The following ATG3 variants were observed in gnomAD, a reference collection of about 807,000 sequenced individuals.
ATG3 encodes ubiquitin-like-conjugating enzyme ATG3.
ATG3 carries 25 observed loss-of-function variants against 50.7 expected under a neutral mutation model. The ratio of observed to expected loss-of-function variants is 0.49; its 90% confidence interval spans 0.36 to 0.69. ATG3 has a LOEUF of 0.69. ATG3 is among the 30% of genes least tolerant of loss of function. The pLI is 0.00. For missense variants in ATG3, 281 were observed against 376.0 expected, an observed-to-expected ratio of 0.75 and a Z score of 2.09; for synonymous variants, 119 against 125.5, an observed-to-expected ratio of 0.95 and a Z score of 0.34.
rs1430441836 is a variant in ATG3, at chr3:112,556,584, G to C, written c.114+1792C>G. ...CAATGGCGGTTTTGTGGAATAGAAAGGGGGGAAAGGTGGGGAAAAGATTGA... is the reference window on the plus strand; with the variant it reads ...CAATGGCGGTTTTGTGGAATAGAAACGGGGGAAAGGTGGGGAAAAGATTGA... On this transcript the variant is annotated intron_variant, in intron 2 of 11. Transcript: ENST00000283290. Among the ~76,000 whole-genome samples the C allele has an allele frequency of 2.6e-5, 4 of 152,226 alleles. No homozygotes were observed. The East Asian group carries it at 7.7e-4, about 29-fold the overall frequency.
At chr3:112,536,248 A>T in intron 10 of ATG3, 1 of 480,462 alleles carries the variant, frequency 2.1e-6, no homozygotes, top group Non-Finnish European at 3.7e-6. Context: ...CCCACAGAGA[A>T]CAAAAAAATT....
chr3:112,539,495 T>C (rs1195869052), intron 7 of ATG3, among the ~76,000 whole-genome samples: 1 of 152,198 alleles, frequency 6.6e-6, no homozygotes, highest in Non-Finnish European at 1.5e-5. Context: ...TCAATTAGGT[T>C]TTTCTTGACC....
chr3:112,534,111 T>C, intron 11 of ATG3, 158 bp downstream of exon 11: 1 of 1,399,870 alleles, frequency 7.1e-7, no homozygotes. Flanking sequence ...TATCACAATA[T>C]AACATTTTCT....
intron 3 of ATG3, among the ~76,000 whole-genome samples, chr3:112,550,975 G>A (rs1186886070): frequency 6.6e-6 from 1 of 152,156 alleles, no homozygotes; most frequent in Non-Finnish European, 1.5e-5. Flanking sequence ...CACAAAACTT[G>A]GTGGGAGAGC....
chr3:112,532,600 A>C lies in ATG3; in HGVS notation c.*99T>G, dbSNP rs1038540610. On this transcript the variant is annotated 3_prime_UTR_variant, in exon 12 of 12. Transcript: ENST00000283290. ...TAAACATATAAGTCCCTTATTAGAG[A>C]AACTGTATATATTGATGAATATGGT... 4.8e-6 allele frequency: 4 copies of C among 828,062 alleles called. No homozygotes were observed. The African/African-American group carries it at 7.1e-5, about 15-fold the overall frequency. 51.3% of individuals were successfully genotyped at this position (828,062 alleles called of 1,614,324 possible). A position where few individuals can be genotyped will look rare whatever the true frequency, so the allele number is the denominator to read the frequency against.
At chr3:112,544,641 C>T (rs568220126) in intron 5 of ATG3, among the ~76,000 whole-genome samples, 5 of 107,720 alleles carry the variant, frequency 4.6e-5, no homozygotes, top group South Asian at 3.0e-4. Context: ...GCGACAAGAG[C>T]GAAACTCCGT....
chr3:112,548,276 C>T (rs1449757949), intron 5 of ATG3, among the ~76,000 whole-genome samples: 2 of 152,022 alleles, frequency 1.3e-5, no homozygotes, highest in East Asian at 3.9e-4. Context: ...CGCTTGAACC[C>T]GGGAGGTGGA....
At chr3:112,536,347 G>A in intron 10 of ATG3, 128 bp downstream of exon 10, 1 of 1,109,834 alleles carries the variant, frequency 9.0e-7, no homozygotes. Flanking sequence ...AGGAGGACAA[G>A]AGAGAATTTT....
intron 5 of ATG3, 149 bp downstream of exon 5, chr3:112,548,384 T>A: frequency 1.5e-6 from 1 of 687,000 alleles, no homozygotes; most frequent in Non-Finnish European, 2.4e-6. Context: ...AGGCTTCTTT[T>A]TTAAAATTTG....
chr3:112,550,331 T>C (rs775882615), intron 3 of ATG3, 69 bp from the exon 4 acceptor site: 23 of 1,227,910 alleles, frequency 1.9e-5, no homozygotes, highest in Admixed American at 8.2e-5. Flanking sequence ...GCAGAAAGTA[T>C]TGCATATAAA....
At chr3:112,534,601 A>G in intron 10 of ATG3, 1 of 201,408 alleles carries the variant, frequency 5.0e-6, no homozygotes, top group Non-Finnish European at 9.9e-6. Flanking sequence ...TTACCAGGGG[A>G]GGGCATAATC....
At chr3:112,533,794 C>T (rs1163824186) in intron 11 of ATG3, 2 of 985,310 alleles carry the variant, frequency 2.0e-6, no homozygotes, top group African/African-American at 3.5e-5. Flanking sequence ...AAGAAAGGTG[C>T]TACTGTCTTG....
At chr3:112,556,222 T>C (rs527802443) in intron 2 of ATG3, among the ~76,000 whole-genome samples, 11 of 152,338 alleles carry the variant, frequency 7.2e-5, no homozygotes, top group African/African-American at 2.6e-4. Flanking sequence ...ACATGAAGCC[T>C]CGGCAGGGAT....
chr3:112,536,384 G>A, intron 10 of ATG3, 91 bp downstream of exon 10: 1 of 1,486,838 alleles, frequency 6.7e-7, no homozygotes. Context: ...ATTTTTTTCT[G>A]TTAGGGTTCT....
intron 5 of ATG3, among the ~76,000 whole-genome samples, chr3:112,548,054 A>G (rs1223114813): frequency 6.6e-6 from 1 of 152,198 alleles, no homozygotes; most frequent in Non-Finnish European, 1.5e-5. Flanking sequence ...CAGGTATTAT[A>G]GAAATTTGGC....
chr3:112,544,135 CTAAAAT>C (rs751227387), intron 5 of ATG3, 29 bp from the exon 6 acceptor site: 1 of 1,553,856 alleles, frequency 6.4e-7, no homozygotes, highest in South Asian at 1.1e-5. Flanking sequence ...AAAAGAATAA[CTAAAAT>C]TAAACTGTAA....
At chr3:112,542,820 A>G (rs919552046) in intron 6 of ATG3, among the ~76,000 whole-genome samples, 2 of 151,690 alleles carry the variant, frequency 1.3e-5, no homozygotes, top group African/African-American at 4.8e-5. Flanking sequence ...AATTACCATA[A>G]GCCCGTCCAA....
chr3:112,546,345 T>C (rs1168152613), intron 5 of ATG3, among the ~76,000 whole-genome samples: 1 of 152,148 alleles, frequency 6.6e-6, no homozygotes, highest in African/African-American at 2.4e-5. Context: ...GGCTATTAAG[T>C]GACTAATGGC....
chr3:112,555,767 T>C (rs1404857985), intron 2 of ATG3, among the ~76,000 whole-genome samples: 1 of 152,240 alleles, frequency 6.6e-6, no homozygotes. Context: ...TTGTGCTCTA[T>C]CCCAACCCTG....
Sources: allele counts gnomAD v4.1 joint callset (sites outside exome capture counted in the v4.1 genomes callset), GRCh38; gene constraint gnomAD v4.1.1; transcripts MANE v1.5; gene names NCBI Gene and HGNC (gene_info 2026-07-23, HGNC 2026-07-21).